Variants in PAPPA2 observed in about 807,000 individuals in gnomAD.
PAPPA2 encodes pappalysin-2.
In PAPPA2, 86 loss-of-function variants were observed where a neutral mutation model predicts 176.4. That is an observed-to-expected ratio of 0.49 (90% confidence interval 0.41 to 0.58). The LOEUF is 0.58. Ranked by LOEUF, PAPPA2 falls within the 20% of genes least tolerant of loss-of-function variation. The pLI is 0.00. For missense variants in PAPPA2, 2,073 were observed against 2,256.9 expected, an observed-to-expected ratio of 0.92 and a Z score of 1.65; for synonymous variants, 809 against 852.2, an observed-to-expected ratio of 0.95 and a Z score of 0.88.
Position 176,595,287 on chromosome 1 carries a change from C to T in PAPPA2, c.1683C>T (p.Tyr561=), listed in dbSNP as rs767285437. Residue 561 remains tyrosine, a synonymous_variant, in exon 3 of 23, where the codon TAC becomes TAT. Transcript: ENST00000367662. The stretch of plus-strand genomic sequence containing the variant: ...CACTGAATGAGGCCTTCAGCCGCTA[C>T]AACATCAGCTGGCAGCTGAGCGTCC... ...HEALNEAFSR[Y]NISWQLSVHQ... 1 of 1,614,232 alleles carries T rather than the reference C, an allele frequency of 6.2e-7. No homozygotes were observed. The highest frequency in any genetic ancestry group is 1.1e-5 in the South Asian group (1 of 91,088).
intron 1 of PAPPA2, among the ~76,000 whole-genome samples, chr1:176,545,422 A>ATAAAT (rs2102572534): frequency 9.5e-6 from 1 of 104,838 alleles, no homozygotes; most frequent in Non-Finnish European, 2.0e-5. Flanking sequence ...GAAAAAATAA[A>ATAAAT]TAAATAAATA....
chr1:176,602,211 G>A (rs551612546), intron 3 of PAPPA2, among the ~76,000 whole-genome samples: 1 of 152,274 alleles, frequency 6.6e-6, no homozygotes, highest in Admixed American at 6.5e-5. Flanking sequence ...GCAACTCATT[G>A]TCTCTTCTTT....
At chr1:176,529,339 T>C (rs1649669893) in intron 1 of PAPPA2, among the ~76,000 whole-genome samples, 1 of 151,874 alleles carries the variant, frequency 6.6e-6, no homozygotes, top group Admixed American at 6.6e-5. Context: ...TTTATCCAAG[T>C]GTTGGAACAC....
At chr1:176,586,306 G>C (rs1214711862) in intron 2 of PAPPA2, among the ~76,000 whole-genome samples, 2 of 151,992 alleles carry the variant, frequency 1.3e-5, no homozygotes, top group Non-Finnish European at 2.9e-5. Flanking sequence ...ATCCAGGTAG[G>C]ATTATTTTTT....
chr1:176,691,056 C>G (rs1660100826), intron 5 of PAPPA2: 1 of 985,272 alleles, frequency 1.0e-6, no homozygotes, highest in Non-Finnish European at 1.2e-6. Context: ...AAAAACTTGT[C>G]ATCTGGTCTT....
intron 12 of PAPPA2, among the ~76,000 whole-genome samples, chr1:176,722,909 G>A (rs371072488): frequency 3.3e-5 from 5 of 152,122 alleles, no homozygotes; most frequent in Non-Finnish European, 4.4e-5. Context: ...TACATTTCAG[G>A]TGTGTACCGT....
chr1:176,501,324 T>C (rs901281513), intron 1 of PAPPA2, among the ~76,000 whole-genome samples: 1 of 152,276 alleles, frequency 6.6e-6, no homozygotes, highest in Non-Finnish European at 1.5e-5. Context: ...TTATTTTGAA[T>C]GGTAATTACA....
chr1:176,623,611 C>CT (rs1558479008), intron 3 of PAPPA2, among the ~76,000 whole-genome samples: 2 of 112,150 alleles, frequency 1.8e-5, no homozygotes, highest in African/African-American at 7.6e-5. Flanking sequence ...TCCTTCCTTC[C>CT]TTCCTTCCTT....
intron 1 of PAPPA2, among the ~76,000 whole-genome samples, chr1:176,474,198 T>C (rs1652010602): frequency 6.6e-6 from 1 of 152,206 alleles, no homozygotes; most frequent in Non-Finnish European, 1.5e-5. Flanking sequence ...CAGTGACTTA[T>C]TTTTTACTTA....
intron 3 of PAPPA2, among the ~76,000 whole-genome samples, chr1:176,602,931 C>T (rs1159145393): frequency 3.3e-5 from 5 of 152,178 alleles, no homozygotes; most frequent in Non-Finnish European, 5.9e-5. Flanking sequence ...CAATAGGCAC[C>T]GTATTATGGA....
chr1:176,626,584 G>A (rs1368526074), intron 3 of PAPPA2, among the ~76,000 whole-genome samples: 2 of 152,172 alleles, frequency 1.3e-5, no homozygotes, highest in African/African-American at 4.8e-5. Flanking sequence ...TTTCATCATA[G>A]TAGTCATTTA....
chr1:176,745,703 A>T (rs1662875136), intron 14 of PAPPA2, among the ~76,000 whole-genome samples: 1 of 152,228 alleles, frequency 6.6e-6, no homozygotes, highest in African/African-American at 2.4e-5. Flanking sequence ...CAAGAAAGGA[A>T]CAAATGTGGA....
At chr1:176,500,901 A>G (rs571113905) in intron 1 of PAPPA2, among the ~76,000 whole-genome samples, 2 of 152,154 alleles carry the variant, frequency 1.3e-5, no homozygotes, top group African/African-American at 4.8e-5. Flanking sequence ...TACTTTGCTA[A>G]TAGCCTTAGC....
chr1:176,580,345 CT>C (rs1216099863), intron 2 of PAPPA2, among the ~76,000 whole-genome samples: 1 of 152,152 alleles, frequency 6.6e-6, no homozygotes, highest in Non-Finnish European at 1.5e-5. Context: ...GGATTTCATT[CT>C]TTTTTATGGC....
chr1:176,652,797 T>C (rs1657808821), intron 3 of PAPPA2, among the ~76,000 whole-genome samples: 1 of 151,656 alleles, frequency 6.6e-6, no homozygotes, highest in African/African-American at 2.4e-5. Flanking sequence ...ATTTTTCCAG[T>C]GTAGAAACCA....
At chr1:176,820,726 T>G (rs1274757431) in intron 21 of PAPPA2, among the ~76,000 whole-genome samples, 2 of 152,132 alleles carry the variant, frequency 1.3e-5, no homozygotes, top group African/African-American at 4.8e-5. Flanking sequence ...TCTCTCCTGA[T>G]TCATACTTGG....
At chr1:176,634,823 T>C (rs1160501164) in intron 3 of PAPPA2, among the ~76,000 whole-genome samples, 2 of 141,488 alleles carry the variant, frequency 1.4e-5, no homozygotes, top group African/African-American at 2.7e-5. Flanking sequence ...GATAGATAGA[T>C]AGATAGATAG....
chr1:176,538,664 A>T (rs1020289093), intron 1 of PAPPA2, among the ~76,000 whole-genome samples: 4 of 152,054 alleles, frequency 2.6e-5, no homozygotes, highest in African/African-American at 9.7e-5. Flanking sequence ...TCCTTTCCCC[A>T]TCTCCACCCA....
chr1:176,519,381 G>A (rs747565635), intron 1 of PAPPA2, among the ~76,000 whole-genome samples: 2 of 152,186 alleles, frequency 1.3e-5, no homozygotes, highest in Non-Finnish European at 2.9e-5. Flanking sequence ...GAATAGGTGA[G>A]GAGGTGGGGC....
Sources: allele counts gnomAD v4.1 joint callset (sites outside exome capture counted in the v4.1 genomes callset), GRCh38; gene constraint gnomAD v4.1.1; transcripts MANE v1.5; gene names NCBI Gene and HGNC (gene_info 2026-07-23, HGNC 2026-07-21).